Variants in EPGN observed in about 807,000 individuals in gnomAD.
The protein encoded by EPGN is epigen.
In EPGN, 21 loss-of-function variants were observed where a neutral mutation model predicts 20.7. The ratio of observed to expected loss-of-function variants is 1.01; its 90% CI spans 0.72 to 1.46. The LOEUF (loss-of-function observed/expected upper bound fraction) is 1.46, where lower values mean the gene tolerates loss of function less well. EPGN is among the 40% of genes most tolerant of loss of function. The pLI is 0.00. For missense variants in EPGN, 199 were observed against 180.7 expected, an observed-to-expected ratio of 1.10 and a Z score of -0.58; for synonymous variants, 69 against 63.8, an observed-to-expected ratio of 1.08 and a Z score of -0.39.
chr4:74,308,631 A>G, intron 1 of EPGN, 55 bp downstream of exon 1: 1 of 1,478,582 alleles, frequency 6.8e-7, no homozygotes, highest in Non-Finnish European at 9.3e-7. Flanking sequence ...ATGTGAATAG[A>G]ATTTATTTTC....
intron 1 of EPGN, 99 bp downstream of exon 1, chr4:74,308,675 G>C: frequency 1.0e-6 from 1 of 967,942 alleles, no homozygotes. Flanking sequence ...TCTAACAGTT[G>C]TTCTTTATGA....
In EPGN at chr4:74,315,060, CCTCT is replaced by C. The variant is rs1751208666; in HGVS notation, c.*426_*429del. ...CAGCGTTTTTTACCACCTAGATGGG[CCTCT>C]CTAAGTCTATTTGCTCAATGAACCT... On this transcript the variant is annotated 3_prime_UTR_variant, in exon 5 of 5. Transcript: ENST00000413830. 1 of 175,554 alleles carries C rather than the reference CCTCT, an allele frequency of 5.7e-6. No individual in the cohort carries two copies. The highest frequency in any genetic ancestry group is 1.2e-5 in the Non-Finnish European group (1 of 83,532). 10.9% of individuals were successfully genotyped at this position (175,554 alleles called of 1,614,324 possible).
chr4:74,316,121 T>C lies in EPGN; in HGVS notation c.*1484T>C, dbSNP rs886644971. Among the ~76,000 whole-genome samples the C allele has an allele frequency of 1.3e-5, 2 of 152,138 alleles. No homozygotes were observed. The highest frequency in any genetic ancestry group is 1.5e-5 in the Non-Finnish European group (1 of 68,030). On this transcript the variant is annotated 3_prime_UTR_variant, in exon 5 of 5. Coordinates refer to ENST00000413830, the MANE Select transcript of EPGN (RefSeq NM_001270989.2). ...GAATAAGGAAATGTTTTTCCAAATCTGCATTGCCGGTGAGATCCTCAACAT... is the reference window on the plus strand; with the variant it reads ...GAATAAGGAAATGTTTTTCCAAATCCGCATTGCCGGTGAGATCCTCAACAT...
intron 4 of EPGN, chr4:74,313,413 C>T: frequency 7.5e-7 from 1 of 1,337,708 alleles, no homozygotes; most frequent in Admixed American, 3.7e-5. Context: ...TTCAACCTAT[C>T]TCTGTCTGCC....
chr4:74,310,461 C>CAAAAAAA (rs10586282), intron 2 of EPGN, among the ~76,000 whole-genome samples: 3 of 43,208 alleles, frequency 6.9e-5, no homozygotes, highest in Admixed American at 2.1e-4. Flanking sequence ...GAGTCCGTCT[C>CAAAAAAA]AAAAAAAAAA....
At chr4:74,314,140 A>G (rs1253848742) in intron 4 of EPGN, 2 of 457,388 alleles carry the variant, frequency 4.4e-6, no homozygotes. Flanking sequence ...TGAAACCTGT[A>G]ATAAAGTAAG....
At chr4:74,312,972 C>T in intron 3 of EPGN, 46 bp from the exon 4 acceptor site, 1 of 1,404,468 alleles carries the variant, frequency 7.1e-7, no homozygotes, top group Non-Finnish European at 9.7e-7. Flanking sequence ...ATTTGTATTT[C>T]TACCACCGTA....
chr4:74,314,189 G>A, intron 4 of EPGN: 1 of 466,960 alleles, frequency 2.1e-6, no homozygotes, highest in Middle Eastern at 3.2e-4. Flanking sequence ...AAGCAAAGAT[G>A]TGGCTTTAAC....
At chr4:74,310,746 A>G (rs1250718591) in intron 2 of EPGN, among the ~76,000 whole-genome samples, 2 of 152,148 alleles carry the variant, frequency 1.3e-5, no homozygotes, top group Non-Finnish European at 2.9e-5. Flanking sequence ...CCTTATATAA[A>G]ATAGTGAAAT....
At position 74,315,671 on chromosome 4, in the gene EPGN, G is replaced by C. The variant is rs756953278; in HGVS notation, c.*1034G>C. Among the ~76,000 whole-genome samples the C allele has an allele frequency of 6.6e-6, 1 of 152,106 alleles. No individual in the cohort carries two copies. The highest frequency in any genetic ancestry group is 1.5e-5 in the Non-Finnish European group (1 of 68,018). On this transcript the variant is annotated 3_prime_UTR_variant, in exon 5 of 5. Transcript: ENST00000413830. ...CAAAATAATAATAATCAGTATCCAGGCCAGGCGTGGTGGTTCACGCCTGTA... is the reference window on the plus strand; with the variant it reads ...CAAAATAATAATAATCAGTATCCAGCCCAGGCGTGGTGGTTCACGCCTGTA...
chr4:74,312,369 T>C (rs1468832115), intron 3 of EPGN, 64 bp downstream of exon 3: 57 of 1,532,710 alleles, frequency 3.7e-5, no homozygotes, highest in Non-Finnish European at 4.9e-5. Flanking sequence ...TGTTGTTTCA[T>C]ATAGTACATT....
In EPGN at chr4:74,309,113, G is replaced by C; in HGVS notation, c.64G>C (p.Glu22Gln). ...LFNAMTALTE[E>Q]AAVTVTPPIT... The stretch of plus-strand genomic sequence containing the variant: ...TACAGCAATGACAGCACTGACCGAA[G>C]AGGCAGCCGTGACTGTAACACCTCC... The change falls in exon 2 of 5, where the codon GAG (glutamate) becomes CAG (glutamine). Residue 22 changes from glutamate (E) to glutamine (Q), a missense_variant. Physicochemically the swap from Glu to Gln is conservative, Grantham distance 29. Coordinates refer to ENST00000413830, the MANE Select transcript of EPGN (RefSeq NM_001270989.2). The C allele has an allele frequency of 1.2e-6, 2 of 1,613,392 alleles. No individual in the cohort carries two copies. Among genetic ancestry groups the C allele is most frequent in the East Asian group, 4.5e-5 (2 of 44,826 alleles).
In EPGN at chr4:74,312,184, G is replaced by A; in HGVS notation, c.134-1G>A. The A allele has an allele frequency of 1.3e-6, 2 of 1,594,272 alleles. No homozygotes were observed. Among genetic ancestry groups the A allele is most frequent in the Non-Finnish European group, 1.7e-6 (2 of 1,173,136 alleles). ...GCTAACATTGTATCTCCTTTTCCTA[G>A]CTGACAACATAGAAGGACCCATAGC... On this transcript the variant is annotated splice_acceptor_variant, in intron 2 of 4. Coordinates refer to ENST00000413830, the MANE Select transcript of EPGN (RefSeq NM_001270989.2). LOFTEE classifies it high-confidence loss of function.
chr4:74,313,441 TGAG>T (rs1031847595), intron 4 of EPGN: 3 of 1,293,818 alleles, frequency 2.3e-6, no homozygotes, highest in African/African-American at 1.5e-5. Flanking sequence ...AAATTATAAA[TGAG>T]GAGGACAGCA....
chr4:74,313,080 A>C lies in EPGN; in HGVS notation c.317A>C (p.Asp106Ala). The change falls in exon 4 of 5, where the codon GAT becomes GCT. Residue 106 changes from aspartate (D) to alanine (A), a missense_variant. Transcript: ENST00000413830. Reference sequence around the variant, plus strand: ...TTGACTTTAACTTCATATGCTGTGGATTCTTATGAAAAATACATTGCAATT... The same window carrying C: ...TTGACTTTAACTTCATATGCTGTGGCTTCTTATGAAAAATACATTGCAATT... ...EHLTLTSYAVDSYEKYIAIGI... is the reference protein window; with the variant it reads ...EHLTLTSYAVASYEKYIAIGI... 1 of 1,613,320 alleles carries C rather than the reference A, an allele frequency of 6.2e-7. No individual in the cohort carries two copies. The highest frequency in any genetic ancestry group is 8.5e-7 in the Non-Finnish European group (1 of 1,179,686).
At chr4:74,312,955 A>T in intron 3 of EPGN, 63 bp from the exon 4 acceptor site, 1 of 1,282,754 alleles carries the variant, frequency 7.8e-7, no homozygotes, top group Non-Finnish European at 1.1e-6. Flanking sequence ...ATTTATTGAA[A>T]CAGGTTATTT....
Position 74,315,543 on chromosome 4 carries a change from A to AT in EPGN, c.*912dup, listed in dbSNP as rs1476738473. 1.3e-5 allele frequency among the ~76,000 whole-genome samples: 2 copies of AT among 152,160 alleles called. No individual in the cohort carries two copies. Among genetic ancestry groups the AT allele is most frequent in the Non-Finnish European group, 2.9e-5 (2 of 68,034 alleles). ...TAGAAACTGAAAAACAGGACATAGA[A>AT]TTTTTTCACCAGACCACAGCATGTG... On this transcript the variant is annotated 3_prime_UTR_variant, in exon 5 of 5. Coordinates refer to ENST00000413830, the MANE Select transcript of EPGN (RefSeq NM_001270989.2).
intron 1 of EPGN, 49 bp from the exon 2 acceptor site, chr4:74,309,044 A>T (rs772594359): frequency 7.6e-7 from 1 of 1,317,798 alleles, no homozygotes; most frequent in Non-Finnish European, 1.1e-6. Context: ...TGTTGCTTGT[A>T]CATAGAAGGA....
In EPGN at chr4:74,309,202, A is replaced by G. The variant is rs781570470; in HGVS notation, c.133+20A>G. ...CAGAAGGTATTTTCTTCCCATTTTCATATTTCACAAGACTTTTCTAAAACT... is the reference window on the plus strand; with the variant it reads ...CAGAAGGTATTTTCTTCCCATTTTCGTATTTCACAAGACTTTTCTAAAACT... On this transcript the variant is annotated intron_variant, in intron 2 of 4. Transcript: ENST00000413830. The G allele has an allele frequency of 1.2e-6, 2 of 1,603,920 alleles. No individual in the cohort carries two copies. The highest frequency in any genetic ancestry group is 1.1e-5 in the South Asian group (1 of 89,848).
Sources: gnomAD v4.1 joint callset for allele counts (sites outside exome capture counted in the v4.1 genomes callset) on GRCh38, gnomAD v4.1.1 for gene constraint, MANE v1.5 for transcripts, NCBI Gene and HGNC (gene_info 2026-07-23, HGNC 2026-07-21) for gene names.